The following OPRM1 variants were observed in gnomAD, a reference collection of about 807,000 sequenced individuals.
OPRM1 encodes mu-type opioid receptor.
In OPRM1, 27 loss-of-function variants were observed where a neutral mutation model predicts 31.8. The ratio of observed to expected loss-of-function variants is 0.85; its 90% CI spans 0.63 to 1.17. The LOEUF is 1.17. OPRM1 is among the 50% of genes most tolerant of loss of function. The pLI is 0.00. For synonymous variants in OPRM1, 196 were observed against 189.9 expected (o/e 1.03, Z -0.26); for missense variants, 536 against 511.1 (o/e 1.05, Z -0.47).
chr6:154,024,455 G>T (rs1000766253), intron 1 of OPRM1, among the ~76,000 whole-genome samples: 4 of 151,548 alleles, frequency 2.6e-5, no homozygotes, highest in Non-Finnish European at 4.4e-5. Flanking sequence ...CTGGCTAAAG[G>T]TTTGTCAATT....
rs1210380510 is a variant in OPRM1 at position 154,130,158 on chromosome 6, T to A, written c.*11437T>A. ...ACCCAAACCATCGATTTCATGGAAA[T>A]GTTTAAATTTTCTTTTTTTTTTTTT... On this transcript the variant is annotated 3_prime_UTR_variant, in exon 4 of 4. Transcript: ENST00000330432. 7.2e-6 allele frequency among the ~76,000 whole-genome samples: 1 copy of A among 138,088 alleles called. No homozygotes were observed. Among genetic ancestry groups the A allele is most frequent in the Admixed American group, 8.4e-5 (1 of 11,872 alleles). 90.6% of individuals were successfully genotyped at this position (138,088 alleles called of 152,430 possible).
In OPRM1 at chr6:154,090,799, G is replaced by A. The variant is rs17181220; in HGVS notation, c.644-153G>A. On this transcript the variant is annotated intron_variant, in intron 2 of 3. Coordinates refer to ENST00000330432, the MANE Select transcript of OPRM1 (RefSeq NM_000914.5). ...TTAGAAGTAAAACTTTCTTTGAAAA[G>A]TAACAAACAACTGAGTTTCTTCCAC... Among the ~76,000 whole-genome samples, 1,113 of 152,276 alleles carry A rather than the reference G, an allele frequency of 7.3e-3. 8 individuals are homozygous for A. The highest frequency in any genetic ancestry group is 0.012 in the Non-Finnish European group (816 of 68,002).
At chr6:154,146,950 G>A (rs1798374077) in intron 3 of OPRM1, among the ~76,000 whole-genome samples, 1 of 152,204 alleles carries the variant, frequency 6.6e-6, no homozygotes, top group Admixed American at 6.5e-5. Context: ...ATAGAAACTA[G>A]CTTCCATCTA....
At chr6:154,176,974 G>A (rs937543005) in intron 3 of OPRM1, among the ~76,000 whole-genome samples, 7 of 152,142 alleles carry the variant, frequency 4.6e-5, no homozygotes, top group African/African-American at 1.7e-4. Context: ...AGAAGCCTCA[G>A]AAATAACACC....
At position 154,039,549 on chromosome 6, in the gene OPRM1, A is replaced by ACAG; in HGVS notation, c.10_12dup (p.Ser4dup). 6.2e-7 allele frequency: 1 copy of ACAG among 1,610,142 alleles called. No individual in the cohort carries two copies. The highest frequency in any genetic ancestry group is 8.5e-7 in the Non-Finnish European group (1 of 1,178,364). On this transcript the variant is annotated inframe_insertion, in exon 1 of 4. Coordinates refer to ENST00000330432, the MANE Select transcript of OPRM1 (RefSeq NM_000914.5). Reference sequence around the variant, plus strand: ...GCCCGCCCGGCCGTCAGTACCATGGACAGCAGCGCTGCCCCCACGAACGCC... The same window carrying ACAG: ...GCCCGCCCGGCCGTCAGTACCATGGACAGCAGCAGCGCTGCCCCCACGAACGCC...
At chr6:154,084,801 A>G (rs1790100673) in intron 1 of OPRM1, among the ~76,000 whole-genome samples, 1 of 152,148 alleles carries the variant, frequency 6.6e-6, no homozygotes, top group African/African-American at 2.4e-5. Context: ...AAAAAAATGA[A>G]AAGGCAGAAA....
chr6:154,117,764 C>T (rs1583615500), intron 3 of OPRM1, among the ~76,000 whole-genome samples: 1 of 151,926 alleles, frequency 6.6e-6, no homozygotes, highest in South Asian at 2.1e-4. Flanking sequence ...TGGACTGCCT[C>T]TCCCTAAAGT....
chr6:154,143,938 G>C (rs1275354988), intron 3 of OPRM1, among the ~76,000 whole-genome samples: 1 of 152,154 alleles, frequency 6.6e-6, no homozygotes, highest in African/African-American at 2.4e-5. Flanking sequence ...GACCGAAAGA[G>C]AAAGAGAGAG....
At chr6:154,180,414 A>ATATTTTTTTT (rs1241250621) in intron 3 of OPRM1, among the ~76,000 whole-genome samples, 19 of 65,254 alleles carry the variant, frequency 2.9e-4, no homozygotes, top group African/African-American at 6.2e-4. Flanking sequence ...ATATATATAT[A>ATATTTTTTTT]TTTTTTTTTT....
At chr6:154,015,228 C>T (rs149541318) in intron 1 of OPRM1, among the ~76,000 whole-genome samples, 1,547 of 152,006 alleles carry the variant, frequency 0.01, 16 homozygotes, top group Non-Finnish European at 0.015. Flanking sequence ...AGAGAGTGGC[C>T]AGTCTTATTT....
Position 154,114,754 on chromosome 6 carries a change from GT to G in OPRM1, c.1165-3919del, listed in dbSNP as rs11400855. Among the ~76,000 whole-genome samples the G allele has an allele frequency of 6.8e-3, 1,010 of 147,734 alleles. 7 individuals carry two copies. Among genetic ancestry groups the G allele is most frequent in the African/African-American group, 0.024 (961 of 40,254 alleles). ...AACACAAGCCTCCAGATTCCCATTA[GT>G]TTTTTTTTTCACTGACCATACAAGG... On this transcript the variant is annotated intron_variant, in intron 3 of 3. Transcript: ENST00000330432.
Position 154,131,424 on chromosome 6 carries a change from C to A in OPRM1, c.*12703C>A, listed in dbSNP as rs1583640164. The stretch of plus-strand genomic sequence containing the variant: ...ACCTAACATAAGCAATCAACCCTTC[C>A]ACCCATTGTCCTCTTTCTAGCTGCT... On this transcript the variant is annotated 3_prime_UTR_variant, in exon 4 of 4. Coordinates refer to ENST00000330432, the MANE Select transcript of OPRM1 (RefSeq NM_000914.5). 6.6e-6 allele frequency among the ~76,000 whole-genome samples: 1 copy of A among 152,156 alleles called. No individual in the cohort carries two copies. The highest frequency in any genetic ancestry group is 2.1e-4 in the South Asian group (1 of 4,818).
At chr6:154,023,589 A>G (rs558895780) in intron 1 of OPRM1, among the ~76,000 whole-genome samples, 1 of 152,148 alleles carries the variant, frequency 6.6e-6, no homozygotes, top group Non-Finnish European at 1.5e-5. Flanking sequence ...ACTATGTTAA[A>G]TAACAGTGGT....
At chr6:154,227,700 G>A (rs573544620) in intron 3 of OPRM1, among the ~76,000 whole-genome samples, 1 of 152,228 alleles carries the variant, frequency 6.6e-6, no homozygotes, top group Admixed American at 6.5e-5. Flanking sequence ...CTGGGTGACA[G>A]AGTTAAAATG....
intron 3 of OPRM1, among the ~76,000 whole-genome samples, chr6:154,214,855 G>A (rs1778257333): frequency 6.6e-6 from 1 of 152,070 alleles, no homozygotes; most frequent in Admixed American, 6.5e-5. Context: ...CCATTTTACT[G>A]GCAATGAATT....
chr6:154,024,455 G>A (rs1000766253), intron 1 of OPRM1, among the ~76,000 whole-genome samples: 1 of 151,430 alleles, frequency 6.6e-6, no homozygotes, highest in Non-Finnish European at 1.5e-5. Context: ...CTGGCTAAAG[G>A]TTTGTCAATT....
Position 154,137,912 on chromosome 6 carries a change from T to C in OPRM1, c.1164+46440T>C, listed in dbSNP as rs893296321. ...AACTCAGGGCTGAGACCCATCTTTC[T>C]GTTAAAGAGCCCTCACGTTCATGAA... is the stretch of plus-strand genomic sequence containing the variant. On this transcript the variant is annotated intron_variant, in intron 3 of 3. Coordinates refer to the OPRM1 transcript ENST00000337049. Among the ~76,000 whole-genome samples, 25 of 152,356 alleles carry C rather than the reference T, an allele frequency of 1.6e-4. 1 individual carries two copies. Among genetic ancestry groups the C allele is most frequent in the Admixed American group, 1.2e-3 (19 of 15,306 alleles).
chr6:154,091,785 T>G (rs1484936867), intron 3 of OPRM1: 1 of 1,059,946 alleles, frequency 9.4e-7, no homozygotes, highest in Non-Finnish European at 1.1e-6. Context: ...AATTCTGATC[T>G]AGAATCCTTT....
chr6:154,158,400 T>C (rs773575935), intron 3 of OPRM1: 1 of 152,246 alleles, frequency 6.6e-6, no homozygotes, highest in Non-Finnish European at 1.5e-5. Context: ...TAAATTTCTA[T>C]TAGTCTTTAA....
Sources: allele counts gnomAD v4.1 joint callset (sites outside exome capture counted in the v4.1 genomes callset), GRCh38; gene constraint gnomAD v4.1.1; transcripts MANE v1.5; gene names NCBI Gene and HGNC (gene_info 2026-07-23, HGNC 2026-07-21).